Variants in MYO16 observed in about 807,000 individuals in gnomAD.
MYO16 encodes unconventional myosin-XVI.
In MYO16, 94 loss-of-function variants were observed where a neutral mutation model predicts 205.3. That is an observed-to-expected ratio of 0.46 (90% CI 0.39 to 0.54). The LOEUF (loss-of-function observed/expected upper bound fraction) is 0.54, where lower values mean the gene tolerates loss of function less well. MYO16 is among the 20% of genes least tolerant of loss of function. The pLI is 0.00. For synonymous variants in MYO16, 988 were observed against 954.0 expected, an observed-to-expected ratio of 1.04 and a Z score of -0.66; for missense variants, 2,315 against 2,387.5, an observed-to-expected ratio of 0.97 and a Z score of 0.63.
At chr13:108,844,174 T>C (rs1877390140) in intron 9 of MYO16, among the ~76,000 whole-genome samples, 169 bp from the exon 10 acceptor site, 1 of 152,206 alleles carries the variant, frequency 6.6e-6, no homozygotes, top group Non-Finnish European at 1.5e-5. Flanking sequence ...TTGGAATTAA[T>C]TTTTTAAAAG....
chr13:108,825,873 A>G (rs978683585), intron 9 of MYO16, among the ~76,000 whole-genome samples: 26 of 151,968 alleles, frequency 1.7e-4, no homozygotes, highest in African/African-American at 6.0e-4. Flanking sequence ...ATTTACAACA[A>G]CATAAGAAAA....
intron 6 of MYO16, among the ~76,000 whole-genome samples, chr13:108,796,942 TAAAATTA>T (rs1441114775): frequency 2.7e-5 from 4 of 149,862 alleles, no homozygotes; most frequent in African/African-American, 5.0e-5. Context: ...AAATTAAAAT[TAAAATTA>T]AAAAAAAAGA....
rs769842251 is a variant in MYO16, at chr13:109,055,497, C to T, written c.3237C>T (p.Tyr1079=). The T allele has an allele frequency of 8.7e-6, 14 of 1,612,774 alleles. No homozygotes were observed. Among genetic ancestry groups the T allele is most frequent in the Middle Eastern group, 1.6e-4 (1 of 6,078 alleles). Reference sequence around the variant, plus strand: ...TGCCAGATACTTTTGATAATTTTTACGTGTCTGCTCAGCTACAATATATTG... The same window carrying T: ...TGCCAGATACTTTTGATAATTTTTATGTGTCTGCTCAGCTACAATATATTG... ...SKLPDTFDNF[Y]VSAQLQYIGV... is the part of the protein sequence containing the mutation. Residue 1079 remains tyrosine (Y), a synonymous_variant, in exon 27 of 35, where the codon TAC becomes TAT. Coordinates refer to ENST00000457511, the MANE Select transcript of MYO16 (RefSeq NM_001198950.3). The surrounding 1 kb of genome is among the most constrained non-coding windows in gnomAD (Gnocchi z 5.0).
At chr13:108,743,920 G>A (rs1884983781) in intron 4 of MYO16, among the ~76,000 whole-genome samples, 1 of 152,196 alleles carries the variant, frequency 6.6e-6, no homozygotes, top group Non-Finnish European at 1.5e-5. Flanking sequence ...ATTGTTTACA[G>A]TTTGGTTATA....
chr13:109,018,969 T>TTG (rs1445555437), intron 22 of MYO16, among the ~76,000 whole-genome samples: 4 of 150,090 alleles, frequency 2.7e-5, no homozygotes, highest in African/African-American at 1.0e-4. Context: ...TCTGTTTTTT[T>TTG]TTTTGTTTTT....
At chr13:108,958,877 A>G (rs191103073) in intron 17 of MYO16, among the ~76,000 whole-genome samples, 2 of 152,340 alleles carry the variant, frequency 1.3e-5, no homozygotes, top group Admixed American at 1.3e-4. Flanking sequence ...AATATTTAAT[A>G]TAATATCACA....
chr13:108,661,157 TA>T (rs1284407988), intron 1 of MYO16, among the ~76,000 whole-genome samples: 1 of 152,194 alleles, frequency 6.6e-6, no homozygotes, highest in Non-Finnish European at 1.5e-5. Flanking sequence ...AATCTGCTGT[TA>T]ATCTGATAGG....
intron 32 of MYO16, among the ~76,000 whole-genome samples, chr13:109,161,636 C>T (rs532899439): frequency 1.5e-4 from 23 of 152,192 alleles, no homozygotes; most frequent in Non-Finnish European, 2.2e-4. Flanking sequence ...TTATGCCTTA[C>T]GTTAAGAAGG....
chr13:108,754,676 C>T (rs1885364725), intron 4 of MYO16, among the ~76,000 whole-genome samples: 1 of 152,180 alleles, frequency 6.6e-6, no homozygotes, highest in Non-Finnish European at 1.5e-5. Flanking sequence ...TCATCCTCTT[C>T]CTAGCTGTGT....
intron 2 of MYO16, among the ~76,000 whole-genome samples, chr13:108,676,399 G>A (rs201332164): frequency 0.017 from 2,459 of 146,960 alleles, 82 homozygotes; most frequent in East Asian, 0.15. Context: ...GTGTGTGTGT[G>A]TGTGTGTGCC....
At chr13:108,614,306 A>C (rs901335861) in intron 1 of MYO16, among the ~76,000 whole-genome samples, 4 of 152,108 alleles carry the variant, frequency 2.6e-5, no homozygotes, top group Non-Finnish European at 5.9e-5. Context: ...ACTATGAACT[A>C]TTGTTGAGAG....
intron 4 of MYO16, among the ~76,000 whole-genome samples, chr13:108,763,688 C>T (rs1389544875): frequency 6.6e-6 from 1 of 151,836 alleles, no homozygotes; most frequent in Non-Finnish European, 1.5e-5. Flanking sequence ...GCCACGAGTT[C>T]CTTTTAGGAT....
chr13:108,777,476 A>G (rs1351044284), intron 4 of MYO16, among the ~76,000 whole-genome samples: 1 of 152,060 alleles, frequency 6.6e-6, no homozygotes, highest in East Asian at 1.9e-4. Flanking sequence ...TGAAATGTAG[A>G]CCCTTTTAGA....
At chr13:108,868,198 C>G (rs957995975) in intron 12 of MYO16, among the ~76,000 whole-genome samples, 1 of 152,054 alleles carries the variant, frequency 6.6e-6, no homozygotes, top group Admixed American at 6.5e-5. Context: ...TGTATACATA[C>G]AATCAGTTTT....
intron 33 of MYO16, 41 bp downstream of exon 33, chr13:109,165,100 T>G (rs983785919): frequency 8.1e-6 from 12 of 1,472,886 alleles, no homozygotes; most frequent in Non-Finnish European, 1.1e-5. Context: ...TACAAAAGTT[T>G]TAGGCTGTAT....
chr13:108,838,975 T>C (rs1444490877), intron 9 of MYO16, among the ~76,000 whole-genome samples: 5 of 152,110 alleles, frequency 3.3e-5, no homozygotes, highest in Non-Finnish European at 7.3e-5. Context: ...TTGTCTTAGT[T>C]CATTTTTTGT....
chr13:108,852,298 G>A (rs1877919023), intron 10 of MYO16, among the ~76,000 whole-genome samples: 1 of 152,158 alleles, frequency 6.6e-6, no homozygotes, highest in African/African-American at 2.4e-5. Context: ...TAGCACAATG[G>A]CCAACAAAGA....
At chr13:108,957,598 T>C in intron 16 of MYO16, 90 bp from the exon 17 acceptor site, 1 of 832,610 alleles carries the variant, frequency 1.2e-6, no homozygotes. Flanking sequence ...TCCCATCATT[T>C]TAGAGATCAA....
chr13:108,571,878 A>G, the MYO16 span, among the ~76,000 whole-genome samples: 3 of 150,800 alleles, frequency 2.0e-5, no homozygotes, highest in South Asian at 2.1e-4. Context: ...GCAATCACTG[A>G]CACAACCCCC....
Sources: allele counts gnomAD v4.1 joint callset (sites outside exome capture counted in the v4.1 genomes callset), GRCh38; gene constraint gnomAD v4.1.1; non-coding constraint Gnocchi (gnomAD v3.1); transcripts MANE v1.5; gene names NCBI Gene and HGNC (gene_info 2026-07-23, HGNC 2026-07-21).